The following EXOSC7 variants were observed in gnomAD, a reference collection of about 807,000 sequenced individuals.
EXOSC7 encodes exosome complex component RRP42.
In EXOSC7, 25 loss-of-function variants were observed where a neutral mutation model predicts 34.3. That is an observed-to-expected ratio of 0.73 (90% confidence interval 0.53 to 1.02). EXOSC7 has a LOEUF of 1.02. EXOSC7 is among the 50% of genes least tolerant of loss of function. The probability of loss-of-function intolerance (pLI) is 0.00; values close to 1 mark genes in which losing one functional copy is unlikely to be tolerated. For missense variants in EXOSC7, 370 were observed against 368.5 expected, an observed-to-expected ratio of 1.00 and a Z score of -0.03; for synonymous variants, 130 against 143.0, an observed-to-expected ratio of 0.91 and a Z score of 0.65.
At chr3:45,001,112 A>G (rs1706863631) in intron 4 of EXOSC7, among the ~76,000 whole-genome samples, 1 of 152,170 alleles carries the variant, frequency 6.6e-6, no homozygotes, top group Admixed American at 6.5e-5. Context: ...CATTTCTTAG[A>G]AATCAGTGTC....
In EXOSC7 at chr3:45,011,391, C is replaced by A; in HGVS notation, c.*52C>A. 8.6e-7 allele frequency: 1 copy of A among 1,162,586 alleles called. No homozygotes were observed. The highest frequency in any genetic ancestry group is 1.3e-6 in the Non-Finnish European group (1 of 794,820). 72.0% of individuals were successfully genotyped at this position (1,162,586 alleles called of 1,614,324 possible). On this transcript the variant is annotated 3_prime_UTR_variant, in exon 8 of 8. Transcript: ENST00000265564. ...ATTGTTTTTTACTTTTCCTTTTAAACCGGTTCGTATATATTTTTCTTCGCT... is the reference window on the plus strand; with the variant it reads ...ATTGTTTTTTACTTTTCCTTTTAAAACGGTTCGTATATATTTTTCTTCGCT...
At chr3:45,001,805 C>G (rs1706889924) in intron 5 of EXOSC7, 197 bp downstream of exon 5, 5 of 486,508 alleles carry the variant, frequency 1.0e-5, no homozygotes, top group Non-Finnish European at 1.1e-5. Flanking sequence ...TACGTATATT[C>G]TGTATTTATT....
intron 1 of EXOSC7, among the ~76,000 whole-genome samples, chr3:44,985,729 A>G (rs1407385556): frequency 6.6e-6 from 1 of 152,160 alleles, no homozygotes; most frequent in African/African-American, 2.4e-5. Context: ...AGGGGACCCA[A>G]GCGGGTTGCC....
In EXOSC7 at chr3:45,011,246, T is replaced by G. The variant is rs752350586; in HGVS notation, c.783T>G (p.Arg261=). 5.0e-6 allele frequency: 8 copies of G among 1,610,410 alleles called. No individual in the cohort carries two copies. Among genetic ancestry groups the G allele is most frequent in the Non-Finnish European group, 6.8e-6 (8 of 1,178,024 alleles). ...TCCCTTCTCCACAGACTGGCAAGCGTGTGGGCAAGGTACTGCATGCCTCCT... is the reference window on the plus strand; with the variant it reads ...TCCCTTCTCCACAGACTGGCAAGCGGGTGGGCAAGGTACTGCATGCCTCCT... ...SIFEMMETGK[R]VGKVLHASLQ... The change falls in exon 8 of 8, where the codon CGT becomes CGG. Residue 261 remains arginine, a synonymous_variant. Transcript: ENST00000265564.
intron 1 of EXOSC7, among the ~76,000 whole-genome samples, chr3:44,987,382 G>A (rs562062833): frequency 2.0e-5 from 3 of 152,230 alleles, no homozygotes; most frequent in Non-Finnish European, 4.4e-5. Context: ...TAACCATGAT[G>A]TGGGGGAACC....
In EXOSC7 at chr3:44,976,282, C is replaced by T. The variant is rs1419446134; in HGVS notation, c.5C>T (p.Ala2Val). ...CTCGTGGGGCAGCTCGGCAGCATGG[C>T]GTCCGTGACGCTGAGCGAGGCGGAG... is the stretch of plus-strand genomic sequence containing the variant. M[A>V]SVTLSEAEKV... Residue 2 changes from alanine (A) to valine (V), a missense_variant, in exon 1 of 8, where the codon GCG becomes GTG. Ala to Val is a moderately conservative substitution (Grantham distance 64). Around this residue, in one of 3 missense-constraint regions of EXOSC7, gnomAD observed 95 missense variants for 79.8 expected, o/e 1.19. Transcript: ENST00000265564. The T allele has an allele frequency of 6.4e-6, 10 of 1,560,600 alleles. No individual in the cohort carries two copies. The Admixed American group carries it at 8.0e-5, about 12-fold the overall frequency.
Position 44,989,381 on chromosome 3 carries a change from G to C in EXOSC7, c.159+140G>C, listed in dbSNP as rs986803701. ...ATCCGAGCCAAACTCAGGGAGGGGG[G>C]GTCTATCCAGATCTGAAAAGACTGC... On this transcript the variant is annotated intron_variant, in intron 2 of 7. Transcript: ENST00000265564. 37 of 819,404 alleles carry C rather than the reference G, an allele frequency of 4.5e-5. 1 individual carries two copies. The highest frequency in any genetic ancestry group is 2.2e-4 in the South Asian group (13 of 60,384). The allele number at this position is 819,404 out of a possible 1,614,324, so 50.8% of individuals were successfully genotyped here. A position where few individuals can be genotyped will look rare whatever the true frequency, so the allele number is the denominator to read the frequency against.
At chr3:45,004,639 A>G (rs956232836) in intron 5 of EXOSC7, 41 of 147,576 alleles carry the variant, frequency 2.8e-4, no homozygotes, top group African/African-American at 9.5e-4. Context: ...CATTTTTAAT[A>G]GATATTTAAA....
intron 6 of EXOSC7, among the ~76,000 whole-genome samples, chr3:45,006,268 G>A (rs187322480): frequency 3.3e-5 from 5 of 151,376 alleles, no homozygotes; most frequent in Non-Finnish European, 7.4e-5. Flanking sequence ...AGTAGAGACG[G>A]TGTTTCACCA....
intron 5 of EXOSC7, chr3:45,004,992 T>A: frequency 1.8e-5 from 5 of 273,450 alleles, no homozygotes; most frequent in East Asian, 1.3e-4. Context: ...ATTTTTTATA[T>A]CTATGGTCTA....
chr3:44,994,208 A>G (rs904449119), intron 3 of EXOSC7, among the ~76,000 whole-genome samples: 2 of 151,590 alleles, frequency 1.3e-5, no homozygotes, highest in African/African-American at 2.4e-5. Context: ...TAATACACCT[A>G]AAGTACTAAG....
chr3:44,980,940 A>T (rs895990953), intron 1 of EXOSC7, among the ~76,000 whole-genome samples: 1 of 152,156 alleles, frequency 6.6e-6, no homozygotes, highest in East Asian at 1.9e-4. Flanking sequence ...GAATTTTTAG[A>T]ATCTAGGATT....
chr3:44,992,009 C>T (rs566851523), intron 3 of EXOSC7, among the ~76,000 whole-genome samples: 13 of 152,188 alleles, frequency 8.5e-5, no homozygotes, highest in East Asian at 3.8e-4. Context: ...AAGCACTGAT[C>T]GCTGCCACCT....
intron 7 of EXOSC7, 149 bp downstream of exon 7, chr3:45,007,724 C>T: frequency 1.2e-6 from 1 of 854,108 alleles, no homozygotes; most frequent in Admixed American, 3.1e-5. Context: ...AGCCAGGGGT[C>T]TGCTGACCTA....
chr3:44,977,404 T>TG (rs951878633), intron 1 of EXOSC7: 1 of 152,228 alleles, frequency 6.6e-6, no homozygotes, highest in Non-Finnish European at 1.5e-5. Context: ...CAGCTATCAT[T>TG]GAAGTCCCAC....
chr3:44,996,947 A>T, intron 3 of EXOSC7, 140 bp from the exon 4 acceptor site: 2 of 816,536 alleles, frequency 2.4e-6, no homozygotes, highest in Non-Finnish European at 4.0e-6. Context: ...GGCAGATGCC[A>T]TCCTTTCCTC....
intron 5 of EXOSC7, 113 bp from the exon 6 acceptor site, chr3:45,005,178 A>G: frequency 8.3e-7 from 1 of 1,211,522 alleles, no homozygotes; most frequent in East Asian, 2.4e-5. Flanking sequence ...AAGAATAGGC[A>G]TAGCGTGTCT....
At position 45,005,409 on chromosome 3, in the gene EXOSC7, T is replaced by C; in HGVS notation, c.610T>C (p.Cys204Arg). 1 of 1,614,114 alleles carries C rather than the reference T, an allele frequency of 6.2e-7. No homozygotes were observed. Among genetic ancestry groups the C allele is most frequent in the Non-Finnish European group, 8.5e-7 (1 of 1,179,968 alleles). Residue 204 changes from cysteine (C) to arginine (R), a missense_variant, in exon 6 of 8, where the codon TGC (cysteine) becomes CGC (arginine). Physicochemically the swap from Cys to Arg is radical, Grantham distance 180. Around this residue, in one of 3 missense-constraint regions of EXOSC7, gnomAD observed 255 missense variants for 246.4 expected, o/e 1.03. Coordinates refer to ENST00000265564, the MANE Select transcript of EXOSC7 (RefSeq NM_015004.4). ...GAATGTCCCCTGCATTGTCACTCTG[T>C]GCAAGGTATAACTTGTATTTTATGG... Reference protein sequence around the residue: ...VENVPCIVTLCKIGYRHVVDA... With the variant: ...VENVPCIVTLRKIGYRHVVDA...
intron 1 of EXOSC7, among the ~76,000 whole-genome samples, chr3:44,982,150 C>A (rs949765048): frequency 1.9e-4 from 29 of 152,222 alleles, no homozygotes; most frequent in African/African-American, 7.0e-4. Context: ...CTGGGCTCCT[C>A]CATATCATGA....
Sources: allele counts gnomAD v4.1 joint callset (sites outside exome capture counted in the v4.1 genomes callset), GRCh38; gene constraint gnomAD v4.1.1; regional missense constraint gnomAD v4.1.1; transcripts MANE v1.5; gene names NCBI Gene and HGNC (gene_info 2026-07-23, HGNC 2026-07-21).